The following DLGAP4 variants were observed in gnomAD, a reference collection of about 807,000 sequenced individuals.
DLGAP4 encodes the protein disks large-associated protein 4.
A neutral mutation model predicts 86.9 loss-of-function variants in DLGAP4; 18 were observed. That is an observed-to-expected ratio of 0.21 (90% CI 0.14 to 0.31). DLGAP4 has a LOEUF of 0.31. Among genes scored for constraint, DLGAP4 ranks in the 10% least tolerant of loss-of-function variants. The pLI is 1.00. For synonymous variants in DLGAP4, 548 were observed against 574.3 expected (o/e 0.95, Z 0.65); for missense variants, 1,085 against 1,362.6 (o/e 0.80, Z 3.21).
chr20:36,390,760 G>A (rs1056364329), intron 2 of DLGAP4, among the ~76,000 whole-genome samples: 133 of 152,270 alleles, frequency 8.7e-4, no homozygotes, highest in African/African-American at 3.0e-3. Flanking sequence ...TACACACTGA[G>A]CCCTGACCCT....
intron 7 of DLGAP4, among the ~76,000 whole-genome samples, chr20:36,455,660 G>A (rs2089232966): frequency 6.6e-6 from 1 of 152,072 alleles, no homozygotes; most frequent in Non-Finnish European, 1.5e-5. Context: ...CTTGGTTTGG[G>A]GACCCACAGG....
chr20:36,310,209 AAAGAAAGAAAGAAAGAAAGAAAGAAAG>A (rs1406608602), intron 1 of DLGAP4, among the ~76,000 whole-genome samples: 380 of 3,124 alleles, frequency 0.12, 10 homozygotes, highest in East Asian at 0.44. Flanking sequence ...AGAAAGAAAG[AAAGAAAGAAAGAAAGAAAGAAAGAAAG>A]AAAGAAAAGA....
chr20:36,487,264 TTGGCACTCCC>T (rs2035458753), intron 7 of DLGAP4, among the ~76,000 whole-genome samples: 1 of 152,210 alleles, frequency 6.6e-6, no homozygotes. Flanking sequence ...TTGAATGGCC[TTGGCACTCCC>T]TGGCACAGCT....
chr20:36,437,226 G>A (rs6018951), intron 4 of DLGAP4, among the ~76,000 whole-genome samples: 4,927 of 152,276 alleles, frequency 0.032, 278 homozygotes, highest in African/African-American at 0.11. Context: ...GCCAATTGGA[G>A]AACTACCCCT....
rs529745046 is a variant in DLGAP4 at position 36,332,833 on chromosome 20, T to C, written c.-304+26321T>C. On this transcript the variant is annotated intron_variant, in intron 1 of 12. Transcript: ENST00000339266. ...CCAGCCCCCCACCAGTCAAGGCCCC[T>C]TCTGAGCCATGACCTCAATTTTCCA... 4.0e-5 allele frequency among the ~76,000 whole-genome samples: 6 copies of C among 150,508 alleles called. No homozygotes were observed. In the East Asian group the frequency reaches 9.9e-4, roughly 25 times the overall value.
At chr20:36,384,338 G>C (rs1482634266) in intron 2 of DLGAP4, among the ~76,000 whole-genome samples, 2 of 152,182 alleles carry the variant, frequency 1.3e-5, no homozygotes, top group Admixed American at 6.5e-5. Flanking sequence ...ACCCAACTGG[G>C]AGGTCAGAAG....
At chr20:36,418,899 C>T (rs1243660086) in intron 2 of DLGAP4, among the ~76,000 whole-genome samples, 1 of 152,110 alleles carries the variant, frequency 6.6e-6, no homozygotes, top group Admixed American at 6.6e-5. Context: ...CAATTCAGAC[C>T]TTGAATGCAT....
chr20:36,368,570 C>A (rs1369880714), intron 2 of DLGAP4, among the ~76,000 whole-genome samples: 1 of 152,172 alleles, frequency 6.6e-6, no homozygotes, highest in Non-Finnish European at 1.5e-5. Flanking sequence ...CCCGACCCAG[C>A]TCCTAGTCTG....
chr20:36,470,297 C>T (rs1373605759), intron 7 of DLGAP4, among the ~76,000 whole-genome samples: 2 of 152,192 alleles, frequency 1.3e-5, no homozygotes, highest in Non-Finnish European at 2.9e-5. Flanking sequence ...GCACTCTCCT[C>T]CACACCCCAG....
chr20:36,462,035 A>G, intron 7 of DLGAP4: 10 of 986,082 alleles, frequency 1.0e-5, no homozygotes, highest in Non-Finnish European at 1.1e-5. Context: ...CACTCTCCCC[A>G]AGGGCTCCCC....
chr20:36,512,251 C>T (rs918857091), intron 10 of DLGAP4, among the ~76,000 whole-genome samples: 10 of 151,840 alleles, frequency 6.6e-5, no homozygotes, highest in South Asian at 6.3e-4. Context: ...GGAGTTTCAC[C>T]GTGTTAGCCA....
intron 2 of DLGAP4, among the ~76,000 whole-genome samples, chr20:36,370,357 T>C (rs2030876969): frequency 6.6e-6 from 1 of 150,952 alleles, no homozygotes; most frequent in African/African-American, 2.4e-5. Flanking sequence ...AAAATTTAAA[T>C]AGCTGAGTGT....
chr20:36,413,323 A>G (rs2032557413), intron 2 of DLGAP4, among the ~76,000 whole-genome samples: 1 of 148,960 alleles, frequency 6.7e-6, no homozygotes, highest in Non-Finnish European at 1.5e-5. Context: ...CCTTGTACCC[A>G]TTAAGTAGTC....
chr20:36,471,148 G>A (rs1842139454), intron 7 of DLGAP4, among the ~76,000 whole-genome samples: 3 of 151,958 alleles, frequency 2.0e-5, no homozygotes, highest in South Asian at 2.1e-4. Context: ...AGCTCCTCTC[G>A]TGCTGCACCT....
intron 2 of DLGAP4, among the ~76,000 whole-genome samples, chr20:36,414,362 C>T (rs941792641): frequency 2.0e-5 from 3 of 152,204 alleles, no homozygotes; most frequent in Admixed American, 6.5e-5. Flanking sequence ...TAGGGCTGAT[C>T]GGTGCCCGCC....
chr20:36,473,199 A>G (rs560727209), intron 7 of DLGAP4: 4 of 152,352 alleles, frequency 2.6e-5, no homozygotes, highest in African/African-American at 9.6e-5. Flanking sequence ...TGTCTTTACC[A>G]TGAAAACTCT....
intron 1 of DLGAP4, among the ~76,000 whole-genome samples, chr20:36,313,548 TG>T (rs1423052033): frequency 0.068 from 9,320 of 136,406 alleles, 667 homozygotes; most frequent in African/African-American, 0.19. Flanking sequence ...AGCTCTGGGG[TG>T]GGGGGGGGTC....
chr20:36,400,960 C>T (rs966125815), intron 2 of DLGAP4, among the ~76,000 whole-genome samples: 6 of 152,084 alleles, frequency 3.9e-5, no homozygotes, highest in Non-Finnish European at 8.8e-5. Context: ...TGAGGAATTC[C>T]CCCCTTTGCC....
At chr20:36,358,115 C>T (rs2030391900) in intron 1 of DLGAP4, among the ~76,000 whole-genome samples, 1 of 152,122 alleles carries the variant, frequency 6.6e-6, no homozygotes, top group Non-Finnish European at 1.5e-5. Context: ...GGGCTGTGGC[C>T]CATACTCACT....
Sources: allele counts gnomAD v4.1 joint callset (sites outside exome capture counted in the v4.1 genomes callset), GRCh38; gene constraint gnomAD v4.1.1; transcripts MANE v1.5; gene names NCBI Gene and HGNC (gene_info 2026-07-23, HGNC 2026-07-21).